ENTREP2: variants seen among roughly 807,000 people sequenced by gnomAD.
The protein encoded by ENTREP2 is endosomal transmembrane epsin interactor 2.
At chr15:29,151,439 T>A in the ENTREP2 span, among the ~76,000 whole-genome samples, 334 of 152,340 alleles carry the variant, frequency 2.2e-3, 2 homozygotes, top group Non-Finnish European at 3.4e-3. Flanking sequence ...CCAGGGGATG[T>A]CCAGGGCTGC....
chr15:29,440,957 AT>A, the ENTREP2 span, among the ~76,000 whole-genome samples: 8 of 152,184 alleles, frequency 5.3e-5, no homozygotes, highest in Non-Finnish European at 1.0e-4. Flanking sequence ...TGATCCAGCA[AT>A]TCCACTTCTG....
the ENTREP2 span, among the ~76,000 whole-genome samples, chr15:29,507,898 A>C: frequency 0.42 from 63,815 of 151,866 alleles, 13,755 homozygotes; most frequent in African/African-American, 0.51. Flanking sequence ...GAAATAACTA[A>C]GACCAAAGCA....
the ENTREP2 span, among the ~76,000 whole-genome samples, chr15:29,597,086 C>CA: frequency 0.02 from 2,916 of 143,858 alleles, 79 homozygotes; most frequent in African/African-American, 0.064. Context: ...ATCACTCATA[C>CA]AAAAAAAAAA....
chr15:29,186,118 T>A, the ENTREP2 span, among the ~76,000 whole-genome samples: 5 of 152,014 alleles, frequency 3.3e-5, no homozygotes, highest in Non-Finnish European at 5.9e-5. Context: ...TACTTTAGAG[T>A]GTGAAAATGG....
the ENTREP2 span, among the ~76,000 whole-genome samples, chr15:29,625,917 A>G: frequency 6.7e-6 from 1 of 148,428 alleles, no homozygotes; most frequent in African/African-American, 2.5e-5. Context: ...CATGATCTCC[A>G]CTCACTGCAA....
chr15:29,406,869 AC>A, the ENTREP2 span, among the ~76,000 whole-genome samples: 2 of 151,930 alleles, frequency 1.3e-5, no homozygotes, highest in Non-Finnish European at 2.9e-5. Flanking sequence ...GCAACAACCC[AC>A]CTTTTGATAT....
At chr15:29,206,835 A>C in the ENTREP2 span, among the ~76,000 whole-genome samples, 1 of 152,162 alleles carries the variant, frequency 6.6e-6, no homozygotes, top group Non-Finnish European at 1.5e-5. Context: ...GAAAAAAATT[A>C]CCACCACACG....
At chr15:29,301,543 A>G in the ENTREP2 span, among the ~76,000 whole-genome samples, 2 of 152,192 alleles carry the variant, frequency 1.3e-5, no homozygotes, top group African/African-American at 2.4e-5. Flanking sequence ...TTTTTATACT[A>G]AGTTTTATGT....
chr15:29,531,075 T>C, the ENTREP2 span, among the ~76,000 whole-genome samples: 15 of 152,220 alleles, frequency 9.9e-5, no homozygotes, highest in Non-Finnish European at 1.9e-4. Flanking sequence ...CATGGAGTCG[T>C]GGGCTCCCCT....
chr15:29,338,133 C>T, the ENTREP2 span, among the ~76,000 whole-genome samples: 443 of 152,172 alleles, frequency 2.9e-3, 3 homozygotes, highest in African/African-American at 9.9e-3. Context: ...TGTGCCCAAC[C>T]AACCTCACAG....
At chr15:29,657,657 T>A in the ENTREP2 span, among the ~76,000 whole-genome samples, 12 of 152,150 alleles carry the variant, frequency 7.9e-5, no homozygotes, top group African/African-American at 2.6e-4. Context: ...TGCTGATTGG[T>A]GCGTTTTACA....
At chr15:29,619,433 T>C in the ENTREP2 span, among the ~76,000 whole-genome samples, 12 of 151,840 alleles carry the variant, frequency 7.9e-5, no homozygotes, top group African/African-American at 2.9e-4. Context: ...CCTCATGAGA[T>C]AGACATCCTT....
the ENTREP2 span, among the ~76,000 whole-genome samples, chr15:29,237,080 T>A: frequency 6.6e-6 from 1 of 152,210 alleles, no homozygotes; most frequent in East Asian, 1.9e-4. Context: ...CATTTGAAAA[T>A]CAATGAAATC....
the ENTREP2 span, among the ~76,000 whole-genome samples, chr15:29,391,754 T>A: frequency 0.71 from 107,728 of 152,156 alleles, 38,251 homozygotes; most frequent in Admixed American, 0.76. Context: ...TAATACATTT[T>A]AAAATATTTT....
chr15:29,157,566 CT>C, the ENTREP2 span, among the ~76,000 whole-genome samples: 1 of 152,170 alleles, frequency 6.6e-6, no homozygotes, highest in Non-Finnish European at 1.5e-5. Flanking sequence ...TCTAAAATGT[CT>C]TAAGGCTCAG....
At chr15:29,635,419 T>A in the ENTREP2 span, among the ~76,000 whole-genome samples, 16 of 152,276 alleles carry the variant, frequency 1.1e-4, no homozygotes, top group African/African-American at 3.1e-4. Context: ...GGGTCTCCCA[T>A]GAGCCTGAGA....
At chr15:29,240,161 G>A in the ENTREP2 span, among the ~76,000 whole-genome samples, 11 of 152,070 alleles carry the variant, frequency 7.2e-5, no homozygotes, top group Admixed American at 2.0e-4. Context: ...TCGGGAGTTC[G>A]AGACCAGCCT....
At chr15:29,343,027 T>TGG in the ENTREP2 span, among the ~76,000 whole-genome samples, 5,634 of 130,912 alleles carry the variant, frequency 0.043, 380 homozygotes, top group African/African-American at 0.14. Flanking sequence ...TAAAAAGGAA[T>TGG]GGGGGGGGTG....
chr15:29,239,649 C>T, the ENTREP2 span, among the ~76,000 whole-genome samples: 2 of 152,158 alleles, frequency 1.3e-5, no homozygotes, highest in African/African-American at 4.8e-5. Flanking sequence ...GTCATGTTGT[C>T]CCTGCAGTGT....
Sources: allele counts gnomAD v4.1 joint callset (sites outside exome capture counted in the v4.1 genomes callset), GRCh38; gene constraint gnomAD v4.1.1; transcripts MANE v1.5; gene names NCBI Gene and HGNC (gene_info 2026-07-23, HGNC 2026-07-21).